NEDD4L: variants seen among roughly 807,000 people sequenced by gnomAD.
NEDD4L encodes the protein E3 ubiquitin-protein ligase NEDD4-like.
Under a neutral mutation model 148.9 loss-of-function variants are expected in NEDD4L, and 54 were observed. The observed-to-expected ratio is 0.36, with a 90% confidence interval of 0.29 to 0.45. The LOEUF is 0.45. Ranked by LOEUF, NEDD4L falls within the 20% of genes least tolerant of loss-of-function variation. The pLI is 1.00. For missense variants in NEDD4L, 856 were observed against 1,233.8 expected (o/e 0.69, Z 4.59); for synonymous variants, 433 against 440.7 (o/e 0.98, Z 0.22).
intron 5 of NEDD4L, among the ~76,000 whole-genome samples, chr18:58,267,991 G>T (rs1484503321): frequency 6.6e-6 from 1 of 151,992 alleles, no homozygotes; most frequent in Admixed American, 6.6e-5. Flanking sequence ...TACTGTGGGG[G>T]CCAAGGGAAA....
chr18:58,078,249 A>G (rs1259136484), intron 1 of NEDD4L, among the ~76,000 whole-genome samples: 1 of 152,242 alleles, frequency 6.6e-6, no homozygotes, highest in African/African-American at 2.4e-5. Flanking sequence ...AAAGCTTGTT[A>G]GATGGTCAGT....
chr18:58,090,496 T>G (rs1291173975), intron 1 of NEDD4L, among the ~76,000 whole-genome samples: 33 of 152,220 alleles, frequency 2.2e-4, no homozygotes, highest in Admixed American at 2.1e-3. Context: ...ATGATTTGTT[T>G]TTAACGGAGT....
chr18:58,169,528 AT>A (rs774274654), intron 2 of NEDD4L, among the ~76,000 whole-genome samples: 2 of 123,528 alleles, frequency 1.6e-5, no homozygotes, highest in South Asian at 2.6e-4. Flanking sequence ...ATGGAATGTG[AT>A]TTTTTTTCCC....
chr18:58,061,829 G>A (rs2082347935), intron 1 of NEDD4L, among the ~76,000 whole-genome samples: 1 of 152,180 alleles, frequency 6.6e-6, no homozygotes, highest in Non-Finnish European at 1.5e-5. Flanking sequence ...GAGGTAAGGA[G>A]CCCTTTTGAG....
chr18:58,297,307 C>T (rs910464836), intron 5 of NEDD4L, among the ~76,000 whole-genome samples: 1 of 152,026 alleles, frequency 6.6e-6, no homozygotes. Flanking sequence ...AGCTTATGGA[C>T]GAGAGTGTCA....
intron 2 of NEDD4L, among the ~76,000 whole-genome samples, chr18:58,216,304 G>A (rs1447216423): frequency 6.6e-6 from 1 of 152,088 alleles, no homozygotes; most frequent in Non-Finnish European, 1.5e-5. Flanking sequence ...TGGAGATGAA[G>A]GTAAAGGAGC....
intron 23 of NEDD4L, chr18:58,371,867 A>G (rs2046918742): frequency 6.6e-6 from 1 of 152,122 alleles, no homozygotes; most frequent in African/African-American, 2.4e-5. Flanking sequence ...ACTTTATACC[A>G]CATGCTGACA....
chr18:58,313,427 C>T (rs1392647577), intron 5 of NEDD4L, among the ~76,000 whole-genome samples: 1 of 152,170 alleles, frequency 6.6e-6, no homozygotes, highest in Non-Finnish European at 1.5e-5. Context: ...AAGCATTTTA[C>T]CAGAACCCTC....
intron 2 of NEDD4L, among the ~76,000 whole-genome samples, chr18:58,173,208 C>G (rs1257426202): frequency 6.6e-6 from 1 of 152,038 alleles, no homozygotes; most frequent in Non-Finnish European, 1.5e-5. Flanking sequence ...AACCTAACTC[C>G]CCTCCCTTTT....
chr18:58,290,736 T>G (rs2054600150), intron 5 of NEDD4L, among the ~76,000 whole-genome samples: 1 of 152,174 alleles, frequency 6.6e-6, no homozygotes, highest in South Asian at 2.1e-4. Flanking sequence ...TTTTTTTTTT[T>G]TAATGAAAAG....
rs115357733 is a variant in NEDD4L at position 58,211,397 on chromosome 18, G to A, written c.123-34030G>A. Among the ~76,000 whole-genome samples the A allele has an allele frequency of 6.4e-3, 982 of 152,288 alleles. 7 individuals are homozygous for A. Among genetic ancestry groups the A allele is most frequent in the African/African-American group, 0.023 (943 of 41,570 alleles). On this transcript the variant is annotated intron_variant, in intron 2 of 30. Transcript: ENST00000400345. ...TATCTTTTCTGTGTTTTGAAGATAAGCACCTAGAAATGGAAGTTAAGTATT... is the reference window on the plus strand; with the variant it reads ...TATCTTTTCTGTGTTTTGAAGATAAACACCTAGAAATGGAAGTTAAGTATT...
At chr18:58,127,368 G>A (rs2031305339) in intron 1 of NEDD4L, among the ~76,000 whole-genome samples, 1 of 152,170 alleles carries the variant, frequency 6.6e-6, no homozygotes, top group South Asian at 2.1e-4. Context: ...CAATTCTTTG[G>A]CTGTGTGAAG....
chr18:58,339,815 A>T (rs2042202672), intron 13 of NEDD4L, among the ~76,000 whole-genome samples: 1 of 152,318 alleles, frequency 6.6e-6, no homozygotes, highest in Middle Eastern at 3.4e-3. Flanking sequence ...GGAGTCCACC[A>T]GGGAACTCCA....
chr18:58,329,257 A>T, intron 10 of NEDD4L, 130 bp downstream of exon 10: 1 of 1,045,676 alleles, frequency 9.6e-7, no homozygotes, highest in Non-Finnish European at 1.4e-6. Flanking sequence ...TGACGCAGGG[A>T]ATTAATTACC....
chr18:58,119,531 T>C (rs2145793650), intron 1 of NEDD4L, among the ~76,000 whole-genome samples: 1 of 152,324 alleles, frequency 6.6e-6, no homozygotes. Context: ...TCCACTGACC[T>C]GCTGTCCCGG....
chr18:58,221,695 C>A, intron 2 of NEDD4L: 1 of 985,512 alleles, frequency 1.0e-6, no homozygotes, highest in Non-Finnish European at 1.2e-6. Flanking sequence ...AGATTTCCAG[C>A]AGCGCTAGTC....
chr18:58,326,327 A>G (rs1436389826), intron 9 of NEDD4L, among the ~76,000 whole-genome samples: 1 of 152,260 alleles, frequency 6.6e-6, no homozygotes, highest in Non-Finnish European at 1.5e-5. Context: ...CAGCACGGGC[A>G]TTAGCTCAGG....
At chr18:58,321,238 A>T (rs2058742856) in intron 6 of NEDD4L, among the ~76,000 whole-genome samples, 1 of 152,232 alleles carries the variant, frequency 6.6e-6, no homozygotes, top group Non-Finnish European at 1.5e-5. Context: ...GCAGGACGAT[A>T]GGATGGGGGG....
intron 5 of NEDD4L, among the ~76,000 whole-genome samples, chr18:58,295,233 A>G (rs889834928): frequency 2.0e-5 from 3 of 152,208 alleles, no homozygotes; most frequent in African/African-American, 7.2e-5. Context: ...GAATAATTTC[A>G]CTGCCCTAAA....
Sources: allele counts gnomAD v4.1 joint callset (sites outside exome capture counted in the v4.1 genomes callset), GRCh38; gene constraint gnomAD v4.1.1; transcripts MANE v1.5; gene names NCBI Gene and HGNC (gene_info 2026-07-23, HGNC 2026-07-21).